DENND1B: variants seen among roughly 807,000 people sequenced by gnomAD.
DENND1B encodes DENN domain-containing protein 1B.
A neutral mutation model predicts 90.1 loss-of-function variants in DENND1B; 59 were observed. The observed-to-expected ratio is 0.65, with a 90% CI of 0.53 to 0.81. DENND1B has a LOEUF of 0.81. DENND1B is among the 40% of genes least tolerant of loss of function. The probability of loss-of-function intolerance (pLI) is 0.00; values close to 1 mark genes in which losing one functional copy is unlikely to be tolerated. For synonymous variants in DENND1B, 337 were observed against 324.6 expected (o/e 1.04, Z -0.41); for missense variants, 862 against 912.6 (o/e 0.94, Z 0.71).
intron 14 of DENND1B, among the ~76,000 whole-genome samples, chr1:197,588,646 C>A (rs1029895108): frequency 6.6e-6 from 1 of 152,074 alleles, no homozygotes; most frequent in Non-Finnish European, 1.5e-5. Flanking sequence ...ATCTGAAAGA[C>A]TCTGCTGTCA....
At chr1:197,638,470 G>A (rs564772013) in intron 10 of DENND1B, among the ~76,000 whole-genome samples, 1 of 152,250 alleles carries the variant, frequency 6.6e-6, no homozygotes, top group Admixed American at 6.5e-5. Context: ...CCTGTCAGAT[G>A]CTGGCCAGCC....
chr1:197,510,309 C>A lies in DENND1B; in HGVS notation c.*151G>T. On this transcript the variant is annotated 3_prime_UTR_variant, in exon 23 of 23. Transcript: ENST00000620048. ...TTTATATTTAAAAATCAATGCATTT[C>A]ATATATCCTCGAAATGAACAAGTGA... 1.2e-6 allele frequency: 1 copy of A among 857,114 alleles called. No homozygotes were observed. The highest frequency in any genetic ancestry group is 2.1e-5 in the South Asian group (1 of 47,938). 53.1% of individuals were successfully genotyped at this position (857,114 alleles called of 1,614,324 possible).
At chr1:197,593,958 G>C (rs532404188) in intron 14 of DENND1B, among the ~76,000 whole-genome samples, 2 of 152,028 alleles carry the variant, frequency 1.3e-5, no homozygotes, top group African/African-American at 4.8e-5. Flanking sequence ...ATTCAAATAC[G>C]AATATGCCCT....
At chr1:197,607,042 A>G (rs757961144) in intron 13 of DENND1B, 31 bp downstream of exon 13, 2 of 1,492,040 alleles carry the variant, frequency 1.3e-6, no homozygotes, top group East Asian at 2.3e-5. Flanking sequence ...GAAAACATAT[A>G]TGTTCACCAC....
At chr1:197,658,258 A>C in intron 6 of DENND1B, 42 bp downstream of exon 6, 1 of 1,465,756 alleles carries the variant, frequency 6.8e-7, no homozygotes. Context: ...TTGTGTTATA[A>C]GTATTTTACC....
At chr1:197,681,178 A>C (rs1331898307) in intron 3 of DENND1B, among the ~76,000 whole-genome samples, 1 of 152,154 alleles carries the variant, frequency 6.6e-6, no homozygotes, top group Non-Finnish European at 1.5e-5. Flanking sequence ...TGCTCTTTTG[A>C]AGATTTTTTC....
chr1:197,692,995 A>G (rs985095823), intron 3 of DENND1B, among the ~76,000 whole-genome samples: 8 of 151,658 alleles, frequency 5.3e-5, no homozygotes, highest in African/African-American at 1.7e-4. Context: ...CTTCCCTCAA[A>G]ATATGATCCT....
intron 11 of DENND1B, among the ~76,000 whole-genome samples, chr1:197,612,298 T>C (rs1014158887): frequency 6.6e-6 from 1 of 150,728 alleles, no homozygotes; most frequent in Non-Finnish European, 1.5e-5. Context: ...ATAGTCTGAA[T>C]TGAATCTTTT....
chr1:197,716,161 T>A (rs929713944), intron 2 of DENND1B, among the ~76,000 whole-genome samples: 1 of 151,870 alleles, frequency 6.6e-6, no homozygotes, highest in African/African-American at 2.4e-5. Context: ...TATTTCAAAA[T>A]TTTTAATTAT....
At position 197,747,279 on chromosome 1, in the gene DENND1B, T is replaced by C. The variant is rs567396685; in HGVS notation, c.82+25589A>G. ...CTTCATAGGCATTTACATTCGACTC[T>C]GTTTCAGTTTTGGGTTCATCTATCG... On this transcript the variant is annotated intron_variant, in intron 2 of 22. Transcript: ENST00000620048. 5 of 616,622 alleles carry C rather than the reference T, an allele frequency of 8.1e-6. No individual in the cohort carries two copies. In the East Asian group the frequency reaches 1.7e-4, roughly 21 times the overall value. The allele number at this position is 616,622 out of a possible 1,614,324, so 38.2% of individuals were successfully genotyped here. A position where few individuals can be genotyped will look rare whatever the true frequency, so the allele number is the denominator to read the frequency against.
chr1:197,587,895 A>C (rs537024646), intron 14 of DENND1B, among the ~76,000 whole-genome samples: 2 of 152,204 alleles, frequency 1.3e-5, no homozygotes, highest in Non-Finnish European at 1.5e-5. Context: ...AATGGGAGAC[A>C]GTGACAGATC....
intron 5 of DENND1B, among the ~76,000 whole-genome samples, 185 bp downstream of exon 5, chr1:197,671,852 G>A (rs1320186641): frequency 6.6e-6 from 1 of 151,880 alleles, no homozygotes; most frequent in Non-Finnish European, 1.5e-5. Context: ...TTATTTCAAG[G>A]AAAGTTCCAC....
intron 20 of DENND1B, among the ~76,000 whole-genome samples, chr1:197,536,002 G>C (rs979778093): frequency 6.6e-6 from 1 of 151,760 alleles, no homozygotes; most frequent in Admixed American, 6.6e-5. Flanking sequence ...GAGTGGGAGG[G>C]GAGGAGAGAA....
intron 2 of DENND1B, among the ~76,000 whole-genome samples, chr1:197,762,878 T>C (rs1655262999): frequency 6.6e-6 from 1 of 152,196 alleles, no homozygotes; most frequent in Admixed American, 6.5e-5. Context: ...CACACGGCAT[T>C]ATCTCCCCCG....
chr1:197,510,826 A>C lies in DENND1B; in HGVS notation c.1962T>G (p.Ser654Arg). The C allele has an allele frequency of 6.8e-6, 11 of 1,612,180 alleles. No homozygotes were observed. The highest frequency in any genetic ancestry group is 9.3e-6 in the Non-Finnish European group (11 of 1,178,992). ...GGATAAACAGAGAATCTGTCAAACCACTAGAGGAAACCCGCTTCCTAGGAG... is the reference window on the plus strand; with the variant it reads ...GGATAAACAGAGAATCTGTCAAACCCCTAGAGGAAACCCGCTTCCTAGGAG... ...PPSPRKRVSS[S>R]GLTDSLFILK... Residue 654 changes from serine (S) to arginine (R), a missense_variant, in exon 23 of 23, where the codon AGT (serine) becomes AGG (arginine). Ser to Arg is a moderately radical substitution (Grantham distance 110, BLOSUM62 -1). Transcript: ENST00000620048.
chr1:197,707,778 G>T (rs940366847), intron 3 of DENND1B, among the ~76,000 whole-genome samples: 1 of 148,684 alleles, frequency 6.7e-6, no homozygotes, highest in Middle Eastern at 3.2e-3. Context: ...CGTGAGCGAC[G>T]CAGAAGACGG....
intron 2 of DENND1B, among the ~76,000 whole-genome samples, chr1:197,753,949 G>A (rs750338557): frequency 3.3e-5 from 5 of 151,944 alleles, no homozygotes; most frequent in Non-Finnish European, 7.4e-5. Context: ...GCAGTGAGCC[G>A]AGATCGTGCC....
chr1:197,717,440 G>A (rs1441077394), intron 2 of DENND1B, among the ~76,000 whole-genome samples: 1 of 151,604 alleles, frequency 6.6e-6, no homozygotes, highest in Non-Finnish European at 1.5e-5. Flanking sequence ...GTAAATCAAA[G>A]GAGACTCCAT....
chr1:197,703,436 T>C (rs1659233358), intron 3 of DENND1B, among the ~76,000 whole-genome samples: 1 of 152,174 alleles, frequency 6.6e-6, no homozygotes, highest in South Asian at 2.1e-4. Context: ...TATTAGAAAT[T>C]AAACTTGAAA....
Sources: allele counts gnomAD v4.1 joint callset (sites outside exome capture counted in the v4.1 genomes callset), GRCh38; gene constraint gnomAD v4.1.1; transcripts MANE v1.5; gene names NCBI Gene and HGNC (gene_info 2026-07-23, HGNC 2026-07-21).